The following SP110 variants were observed in gnomAD, a reference collection of about 807,000 sequenced individuals.
The protein encoded by SP110 is interferon-induced protein 41, 30kD.
Under a neutral mutation model 92.7 loss-of-function variants are expected in SP110, and 62 were observed. The ratio of observed to expected loss-of-function variants is 0.67; its 90% CI spans 0.55 to 0.83. SP110 has a LOEUF of 0.83. Among genes scored for constraint, SP110 ranks in the 40% least tolerant of loss-of-function variants. SP110 has a pLI of 0.00. For synonymous variants in SP110, 273 were observed against 305.3 expected, an observed-to-expected ratio of 0.89 and a Z score of 1.10; for missense variants, 793 against 863.9, an observed-to-expected ratio of 0.92 and a Z score of 1.03.
intron 7 of SP110, 27 bp downstream of exon 7, chr2:230,209,904 C>T (rs200011354): frequency 7.3e-7 from 1 of 1,373,884 alleles, no homozygotes; most frequent in East Asian, 2.3e-5. Context: ...ACCCTTCTGA[C>T]CTCTACAGAA....
intron 1 of SP110, 87 bp from the exon 2 acceptor site, chr2:230,217,015 G>A (rs1056814257): frequency 2.9e-5 from 32 of 1,089,918 alleles, no homozygotes; most frequent in Non-Finnish European, 4.1e-5. Context: ...GGAGGCCGAG[G>A]TGGGTGGATC....
chr2:230,196,490 G>A (rs2042877969), intron 10 of SP110, among the ~76,000 whole-genome samples: 2 of 151,476 alleles, frequency 1.3e-5, no homozygotes, highest in East Asian at 3.9e-4. Flanking sequence ...AATAAAGTGG[G>A]GGAAGCAGAT....
intron 14 of SP110, among the ~76,000 whole-genome samples, chr2:230,175,945 CTT>C (rs34906767): frequency 1.5e-5 from 2 of 130,758 alleles, no homozygotes; most frequent in Non-Finnish European, 1.6e-5. Flanking sequence ...CTGCAGCATT[CTT>C]TTTTTTTTTT....
At chr2:230,182,653 C>T (rs1021681630) in intron 12 of SP110, among the ~76,000 whole-genome samples, 5 of 152,022 alleles carry the variant, frequency 3.3e-5, no homozygotes, top group African/African-American at 9.7e-5. Flanking sequence ...ACCCTAGAGA[C>T]ACGGGTAGGG....
At chr2:230,177,012 T>G (rs578129483) in intron 14 of SP110, among the ~76,000 whole-genome samples, 15 of 152,352 alleles carry the variant, frequency 9.8e-5, no homozygotes, top group African/African-American at 3.1e-4. Context: ...CTCTCTAGAT[T>G]AAAATCTTTA....
Position 230,183,601 on chromosome 2 carries a change from C to G in SP110, c.1319G>C (p.Arg440Thr), listed in dbSNP as rs201014289. ...TCGGTGAATATTTTTCTGAAATCTC[C>G]TTTTTGAGCTTGAACAGATATCTTT... ...KEKDICSSSKRRFQKNIHRRG... is the reference protein window; with the variant it reads ...KEKDICSSSKTRFQKNIHRRG... The change falls in exon 12 of 19, where the codon AGG (arginine) becomes ACG (threonine). Residue 440 changes from arginine to threonine, a missense_variant. Physicochemically the swap from Arg to Thr is moderately conservative, Grantham distance 71. Coordinates refer to ENST00000258381, the MANE Select transcript of SP110 (RefSeq NM_080424.4). 2 of 1,608,322 alleles carry G rather than the reference C, an allele frequency of 1.2e-6. No homozygotes were observed. Among genetic ancestry groups the G allele is most frequent in the African/African-American group, 2.7e-5 (2 of 74,824 alleles).
chr2:230,177,312 C>T, intron 14 of SP110: 2 of 581,950 alleles, frequency 3.4e-6, no homozygotes, highest in Non-Finnish European at 3.1e-6. Context: ...CCTTTGCCGG[C>T]ATTTAAAGTT....
rs1398588922 is a variant in SP110, at chr2:230,167,079, G to A, written c.*2045C>T. The A allele has an allele frequency of 6.6e-6, 1 of 151,712 alleles. No homozygotes were observed. The highest frequency in any genetic ancestry group is 1.5e-5 in the Non-Finnish European group (1 of 68,096). 9.4% of individuals were successfully genotyped at this position (151,712 alleles called of 1,614,324 possible). ...GCTGCACCCAATAAACCATACCTGAGGAGCCTATTTCTTTTGTTTTCTTTC... is the reference window on the plus strand; with the variant it reads ...GCTGCACCCAATAAACCATACCTGAAGAGCCTATTTCTTTTGTTTTCTTTC... On this transcript the variant is annotated 3_prime_UTR_variant, in exon 19 of 19. Coordinates refer to ENST00000258381, the MANE Select transcript of SP110 (RefSeq NM_080424.4).
intron 14 of SP110, chr2:230,176,633 T>C (rs754623686): frequency 6.2e-7 from 1 of 1,614,048 alleles, no homozygotes; most frequent in South Asian, 1.1e-5. Flanking sequence ...AGGGAAAGTC[T>C]GCAACATGGT....
At position 230,211,580 on chromosome 2, in the gene SP110, A is replaced by G. The variant is rs1255812615; in HGVS notation, c.668-27T>C. On this transcript the variant is annotated intron_variant, in intron 5 of 18. Coordinates refer to ENST00000258381, the MANE Select transcript of SP110 (RefSeq NM_080424.4). This position sits in a 1 kb window ranked among gnomAD's most constrained non-coding sequence, Gnocchi z 4.2. Reference sequence around the variant, plus strand: ...TGAATGGAGGAAGAAAAAGTTTTAGATCTCAGGAACAGCAAGCAGGGACCA... The same window carrying G: ...TGAATGGAGGAAGAAAAAGTTTTAGGTCTCAGGAACAGCAAGCAGGGACCA... The G allele has an allele frequency of 7.3e-7, 1 of 1,362,872 alleles. No individual in the cohort carries two copies. 84.4% of individuals were successfully genotyped at this position (1,362,872 alleles called of 1,614,324 possible). A position where few individuals can be genotyped will look rare whatever the true frequency, so the allele number is the denominator to read the frequency against.
chr2:230,222,451 G>A (rs776138609), upstream of SP110, among the ~76,000 whole-genome samples: 15 of 152,032 alleles, frequency 9.9e-5, no homozygotes, highest in African/African-American at 2.9e-4. Flanking sequence ...CTGGAGAGTC[G>A]CTTGTGCCTA....
chr2:230,185,608 G>T (rs747262295), intron 11 of SP110, among the ~76,000 whole-genome samples: 3 of 152,186 alleles, frequency 2.0e-5, no homozygotes, highest in Non-Finnish European at 2.9e-5. Flanking sequence ...TTCACTTCTA[G>T]AAATGAAACA....
At chr2:230,194,268 A>C (rs544306199) in intron 10 of SP110, among the ~76,000 whole-genome samples, 9 of 152,160 alleles carry the variant, frequency 5.9e-5, no homozygotes, top group Admixed American at 5.9e-4. Flanking sequence ...ACTGACCGGC[A>C]TATCTTAGGC....
Position 230,178,165 on chromosome 2 carries a change from AT to A in SP110, c.1438del (p.Met480Ter). 6.2e-7 allele frequency: 1 copy of A among 1,604,686 alleles called. No homozygotes were observed. Among genetic ancestry groups the A allele is most frequent in the Non-Finnish European group, 8.5e-7 (1 of 1,171,590 alleles). On this transcript the variant is annotated frameshift_variant, in exon 13 of 19. Transcript: ENST00000258381. LOFTEE classifies it high-confidence loss of function. The stretch of plus-strand genomic sequence containing the variant: ...AAGACCAAGGAACTCACCGTGTTTC[AT>A]TTTCTTCTTATATAAAATCCCTTTC... ...EAKGILYKKK[M>X]KHGSSVKCIR...
At chr2:230,200,660 G>A in intron 10 of SP110, 1 of 581,250 alleles carries the variant, frequency 1.7e-6, no homozygotes, top group East Asian at 2.9e-5. Flanking sequence ...CTTATATAGT[G>A]CAGATATACA....
Position 230,168,132 on chromosome 2 carries a change from A to AAAC in SP110, c.*991_*992insGTT, listed in dbSNP as rs1382672516. ...TCAAAAAAAAAAAAAAAAAAAAAAA[A>AAAC]AGAAAAAGTGGGCAACTCAAGCATC... On this transcript the variant is annotated 3_prime_UTR_variant, in exon 19 of 19. Transcript: ENST00000258381. The AAAC allele has an allele frequency of 6.8e-6, 1 of 147,334 alleles. No individual in the cohort carries two copies. The highest frequency in any genetic ancestry group is 1.5e-5 in the Non-Finnish European group (1 of 66,996). The allele number at this position is 147,334 out of a possible 1,614,324, so 9.1% of individuals were successfully genotyped here. A position where few individuals can be genotyped will look rare whatever the true frequency, so the allele number is the denominator to read the frequency against.
In SP110 at chr2:230,178,140, A is replaced by C; in HGVS notation, c.1447+17T>G. The C allele has an allele frequency of 6.6e-7, 1 of 1,504,770 alleles. No individual in the cohort carries two copies. The highest frequency in any genetic ancestry group is 9.2e-7 in the Non-Finnish European group (1 of 1,081,406). The allele number at this position is 1,504,770 out of a possible 1,614,324, so 93.2% of individuals were successfully genotyped here. Reference sequence around the variant, plus strand: ...TTCATCTAGGGATTCCAAAGAGCAGAAGACCAAGGAACTCACCGTGTTTCA... The same window carrying C: ...TTCATCTAGGGATTCCAAAGAGCAGCAGACCAAGGAACTCACCGTGTTTCA... On this transcript the variant is annotated intron_variant, in intron 13 of 18. Coordinates refer to ENST00000258381, the MANE Select transcript of SP110 (RefSeq NM_080424.4).
At chr2:230,207,144 AG>A (rs2043954438) in intron 8 of SP110, among the ~76,000 whole-genome samples, 1 of 152,112 alleles carries the variant, frequency 6.6e-6, no homozygotes, top group Non-Finnish European at 1.5e-5. Context: ...AAAGCAGCAA[AG>A]TTTTTTCTTT....
At chr2:230,216,702 T>C in intron 2 of SP110, 79 bp downstream of exon 2, 1 of 1,546,364 alleles carries the variant, frequency 6.5e-7, no homozygotes, top group Non-Finnish European at 8.9e-7. Flanking sequence ...GAAGCCCTGG[T>C]GGTTTGTGGT....
Sources: gnomAD v4.1 joint callset for allele counts (sites outside exome capture counted in the v4.1 genomes callset) on GRCh38, gnomAD v4.1.1 for gene constraint, Gnocchi (gnomAD v3.1) non-coding constraint, MANE v1.5 for transcripts, NCBI Gene and HGNC (gene_info 2026-07-23, HGNC 2026-07-21) for gene names.